Variants in RTEL1 observed in about 807,000 individuals in gnomAD.
The protein encoded by RTEL1 is regulator of telomere length.
A neutral mutation model predicts 162.2 loss-of-function variants in RTEL1; 86 were observed. That is an observed-to-expected ratio of 0.53 (90% CI 0.45 to 0.63). The LOEUF is 0.63. Ranked by LOEUF, RTEL1 falls within the 30% of genes least tolerant of loss-of-function variation. The probability of loss-of-function intolerance (pLI) is 0.00; values close to 1 mark genes in which losing one functional copy is unlikely to be tolerated. For synonymous variants in RTEL1, 958 were observed against 717.9 expected, an observed-to-expected ratio of 1.33 and a Z score of -5.35; for missense variants, 1,941 against 1,750.2, an observed-to-expected ratio of 1.11 and a Z score of -1.95.
chr20:63,672,506 T>C (rs1400246464), intron 8 of RTEL1, 50 bp from the exon 9 acceptor site: 2 of 1,451,744 alleles, frequency 1.4e-6, no homozygotes. Context: ...CTTCCCTCTT[T>C]CCCGGCCTCT....
intron 21 of RTEL1, 88 bp downstream of exon 21, chr20:63,688,693 G>T: frequency 1.6e-6 from 2 of 1,267,674 alleles, no homozygotes; most frequent in South Asian, 2.6e-5. Flanking sequence ...CACTGGCCCT[G>T]ACCATGGGCT....
chr20:63,658,941 A>G (rs1291929798), intron 1 of RTEL1, among the ~76,000 whole-genome samples: 2 of 152,186 alleles, frequency 1.3e-5, no homozygotes, highest in African/African-American at 4.8e-5. Flanking sequence ...TGAGGCCGGG[A>G]GGGGTGCCGC....
chr20:63,690,564 T>C, intron 26 of RTEL1, 123 bp downstream of exon 26: 1 of 1,289,336 alleles, frequency 7.8e-7, no homozygotes, highest in Non-Finnish European at 1.0e-6. Context: ...CCCTCCCACC[T>C]CCAAAGGCTG....
At chr20:63,677,257 G>C (rs2090374060) in intron 10 of RTEL1, among the ~76,000 whole-genome samples, 1 of 152,216 alleles carries the variant, frequency 6.6e-6, no homozygotes, top group African/African-American at 2.4e-5. Flanking sequence ...GTTGGTCGTT[G>C]TTACTGGGTG....
intron 22 of RTEL1, among the ~76,000 whole-genome samples, 176 bp from the exon 23 acceptor site, chr20:63,689,324 CAA>C (rs2090669771): frequency 6.6e-6 from 1 of 152,184 alleles, no homozygotes; most frequent in East Asian, 1.9e-4. Flanking sequence ...TTCCTGGCCA[CAA>C]GAGTTGGAGG....
At position 63,689,752 on chromosome 20, in the gene RTEL1, C is replaced by T. The variant is rs746382488; in HGVS notation, c.2028C>T (p.Phe676=). ...GACCGAGCCGCCTCGCCCCACAGTT[C>T]CTCTCTGGGCAGGAGTGGTACCGGC... ...MKGQGGAGGQ[F]LSGQEWYRQQ... Residue 676 remains phenylalanine, a splice_region_variant and synonymous_variant, in exon 24 of 35, where the codon TTC becomes TTT. Transcript: ENST00000360203. The T allele has an allele frequency of 1.2e-6, 2 of 1,611,606 alleles. No individual in the cohort carries two copies. Among genetic ancestry groups the T allele is most frequent in the Non-Finnish European group, 1.7e-6 (2 of 1,179,270 alleles).
chr20:63,673,083 C>CG (rs1256855948), intron 9 of RTEL1, among the ~76,000 whole-genome samples: 1 of 149,366 alleles, frequency 6.7e-6, no homozygotes, highest in Non-Finnish European at 1.5e-5. Flanking sequence ...GGTGACAAAG[C>CG]GGGATTCTGT....
chr20:63,685,266 C>G (rs892700722), intron 14 of RTEL1, among the ~76,000 whole-genome samples: 2 of 152,016 alleles, frequency 1.3e-5, no homozygotes, highest in Admixed American at 1.3e-4. Context: ...AGGAGAGGCC[C>G]CTCGGGCTGC....
chr20:63,688,228 C>T, intron 19 of RTEL1, 49 bp downstream of exon 19: 1 of 1,610,020 alleles, frequency 6.2e-7, no homozygotes, highest in Non-Finnish European at 8.5e-7. Flanking sequence ...TCCTGGACCC[C>T]TGCTCCCAAG....
rs1171201603 is a variant in RTEL1, at chr20:63,689,143, CA to C, written c.1878+12del. 6.2e-7 allele frequency: 1 copy of C among 1,607,068 alleles called. No individual in the cohort carries two copies. The highest frequency in any genetic ancestry group is 1.3e-5 in the African/African-American group (1 of 74,906). ...GTCTGCCGGGGCAAGGTGAGCTCTC[CA>C]GGGCCCTCTGCCCTGACCTGGTTGC... On this transcript the variant is annotated intron_variant, in intron 22 of 34. Coordinates refer to ENST00000360203, the MANE Select transcript of RTEL1 (RefSeq NM_001283009.2).
At position 63,695,647 on chromosome 20, in the gene RTEL1, T is replaced by C. The variant is rs1387040462; in HGVS notation, c.3819T>C (p.Leu1273=). 2 of 1,611,256 alleles carry C rather than the reference T, an allele frequency of 1.2e-6. No homozygotes were observed. The highest frequency in any genetic ancestry group is 4.5e-5 in the East Asian group (2 of 44,870). ...GCCAAGCCTGCTGGCAACGGCACCTTCAGGTTGGTGCCTGGCCACTACAGT... is the reference window on the plus strand; with the variant it reads ...GCCAAGCCTGCTGGCAACGGCACCTCCAGGTTGGTGCCTGGCCACTACAGT... The part of the protein sequence containing the change: ...QRCQACWQRH[L]QASRMCPACH... The change falls in exon 34 of 35, where the codon CTT becomes CTC. Residue 1273 remains leucine, a synonymous_variant. Coordinates refer to ENST00000360203, the MANE Select transcript of RTEL1 (RefSeq NM_001283009.2).
In RTEL1 at chr20:63,696,090, G is replaced by C. The variant is rs1441359950; in HGVS notation, c.*232G>C. ...GGGTCTGGGGTGGGTTTCTGGGAAA[G>C]TGCTTCCCCAGAACTTCCCTGGCTC... On this transcript the variant is annotated 3_prime_UTR_variant, in exon 35 of 35. Coordinates refer to ENST00000360203, the MANE Select transcript of RTEL1 (RefSeq NM_001283009.2). 8 of 555,980 alleles carry C rather than the reference G, an allele frequency of 1.4e-5. No individual in the cohort carries two copies. In the Admixed American group the frequency reaches 2.6e-4, roughly 18 times the overall value. 34.4% of individuals were successfully genotyped at this position (555,980 alleles called of 1,614,324 possible).
Position 63,695,494 on chromosome 20 carries a change from G to A in RTEL1, c.3666G>A (p.Gly1222=). ...CATCTGAGTGGGGTGAGCCTCATGG[G>A]AGAGACATCGCTGGGCAGCAGGCCA... is the stretch of plus-strand genomic sequence containing the variant. ...PAASEWGEPH[G]RDIAGQQATG... is the part of the protein sequence containing the mutation. Residue 1222 remains glycine, a synonymous_variant, in exon 34 of 35, where the codon GGG becomes GGA. Transcript: ENST00000360203. 1.2e-6 allele frequency: 2 copies of A among 1,610,566 alleles called. No individual in the cohort carries two copies. Among genetic ancestry groups the A allele is most frequent in the Non-Finnish European group, 1.7e-6 (2 of 1,178,810 alleles).
chr20:63,691,656 C>A, intron 27 of RTEL1, 86 bp from the exon 28 acceptor site: 1 of 1,232,334 alleles, frequency 8.1e-7, no homozygotes, highest in Middle Eastern at 1.9e-4. Flanking sequence ...CTCCTTGGGA[C>A]CATCTTCCCT....
rs749261999 is a variant in RTEL1 at position 63,690,408 on chromosome 20, C to T, written c.2380C>T (p.Leu794=). ...CACCAGGAAAGCTAAGAGTCTGGAC[C>T]TGCATGTCCCCAGCCTGAAGCAGAG... ...FSTRKAKSLD[L]HVPSLKQRSS... is the part of the protein sequence containing the mutation. Residue 794 remains leucine, a synonymous_variant, in exon 26 of 35, where the codon CTG becomes TTG. Transcript: ENST00000360203. 1.2e-6 allele frequency: 2 copies of T among 1,604,012 alleles called. No individual in the cohort carries two copies. Among genetic ancestry groups the T allele is most frequent in the East Asian group, 2.2e-5 (1 of 44,532 alleles).
intron 6 of RTEL1, 101 bp from the exon 7 acceptor site, chr20:63,665,903 C>G: frequency 9.0e-7 from 1 of 1,114,158 alleles, no homozygotes; most frequent in Non-Finnish European, 1.3e-6. Flanking sequence ...ACGCCCAGCC[C>G]TGCCCGCCGT....
intron 24 of RTEL1, 25 bp downstream of exon 24, chr20:63,689,890 C>T (rs759729525): frequency 1.7e-5 from 27 of 1,585,850 alleles, no homozygotes; most frequent in Admixed American, 1.2e-4. Flanking sequence ...GTGGCAGGCG[C>T]GGCGCCAGGG....
chr20:63,664,273 T>C (rs2090078991), intron 6 of RTEL1, among the ~76,000 whole-genome samples: 2 of 152,184 alleles, frequency 1.3e-5, no homozygotes, highest in Non-Finnish European at 1.5e-5. Context: ...CTCACCTGGA[T>C]TTCCAGGACA....
At position 63,690,984 on chromosome 20, in the gene RTEL1, C is replaced by CTT. The variant is rs1568713852; in HGVS notation, c.2556+38_2556+39insTT. 2.6e-6 allele frequency: 4 copies of CTT among 1,527,308 alleles called. No individual in the cohort carries two copies. The Admixed American group carries it at 8.2e-5, about 31-fold the overall frequency. 94.6% of individuals were successfully genotyped at this position (1,527,308 alleles called of 1,614,324 possible). On this transcript the variant is annotated intron_variant, in intron 27 of 34. Coordinates refer to ENST00000360203, the MANE Select transcript of RTEL1 (RefSeq NM_001283009.2). ...GGGCCTTGGGATGGACACAGACCCT[C>CTT]TGTCTCCTGAGGCCAACCCGACCCC...
Sources: gnomAD v4.1 joint callset for allele counts (sites outside exome capture counted in the v4.1 genomes callset) on GRCh38, gnomAD v4.1.1 for gene constraint, MANE v1.5 for transcripts, NCBI Gene and HGNC (gene_info 2026-07-23, HGNC 2026-07-21) for gene names.